The following PHKB variants were observed in gnomAD, a reference collection of about 807,000 sequenced individuals.
The protein encoded by PHKB is phosphorylase kinase regulatory subunit beta, also known as phosphorylase b kinase regulatory subunit beta.
PHKB carries 122 observed loss-of-function variants against 152.1 expected under a neutral mutation model. The observed-to-expected ratio is 0.80, with a 90% confidence interval of 0.69 to 0.93. The LOEUF (loss-of-function observed/expected upper bound fraction) is 0.93, where lower values mean the gene tolerates loss of function less well. Among genes scored for constraint, PHKB ranks in the 40% least tolerant of loss-of-function variants. The pLI, the probability that PHKB is intolerant of heterozygous loss-of-function variation, is 0.00. For missense variants in PHKB, 1,304 were observed against 1,328.4 expected, an observed-to-expected ratio of 0.98 and a Z score of 0.29; for synonymous variants, 436 against 464.9, an observed-to-expected ratio of 0.94 and a Z score of 0.80.
chr16:47,675,244 CCT>C (rs995915639), intron 26 of PHKB, among the ~76,000 whole-genome samples: 4 of 152,148 alleles, frequency 2.6e-5, no homozygotes, highest in Non-Finnish European at 5.9e-5. Context: ...CTCTTCCACC[CCT>C]GTTACCCTGG....
At chr16:47,601,362 C>A (rs1162249210) in intron 13 of PHKB, among the ~76,000 whole-genome samples, 2 of 152,140 alleles carry the variant, frequency 1.3e-5, no homozygotes, top group Non-Finnish European at 1.5e-5. Context: ...AATATATGTT[C>A]TTATTCACTA....
intron 7 of PHKB, among the ~76,000 whole-genome samples, chr16:47,575,442 A>C (rs1366415298): frequency 6.6e-6 from 1 of 152,246 alleles, no homozygotes; most frequent in African/African-American, 2.4e-5. Flanking sequence ...CAAAGATATG[A>C]ATCAACCTAC....
At chr16:47,656,844 C>T (rs548249818) in intron 20 of PHKB, among the ~76,000 whole-genome samples, 1 of 152,272 alleles carries the variant, frequency 6.6e-6, no homozygotes, top group South Asian at 2.1e-4. Flanking sequence ...CTCTCCCAGC[C>T]CCATTACCCA....
chr16:47,654,289 A>C (rs1973292603), intron 20 of PHKB, among the ~76,000 whole-genome samples: 1 of 152,228 alleles, frequency 6.6e-6, no homozygotes, highest in Admixed American at 6.5e-5. Context: ...GATCATTAAA[A>C]AGTCAGGAAA....
chr16:47,542,358 T>C (rs1182746048), intron 6 of PHKB, among the ~76,000 whole-genome samples: 1 of 152,186 alleles, frequency 6.6e-6, no homozygotes, highest in Non-Finnish European at 1.5e-5. Context: ...CAGTGGTGTC[T>C]ATCTCTGTTT....
chr16:47,542,932 CAT>C (rs1453611135), intron 6 of PHKB, among the ~76,000 whole-genome samples: 1 of 152,208 alleles, frequency 6.6e-6, no homozygotes, highest in Non-Finnish European at 1.5e-5. Flanking sequence ...AATATACAAT[CAT>C]GTCATCTGCA....
At chr16:47,508,708 T>C (rs1267528034) in intron 4 of PHKB, among the ~76,000 whole-genome samples, 1 of 152,208 alleles carries the variant, frequency 6.6e-6, no homozygotes, top group Non-Finnish European at 1.5e-5. Flanking sequence ...CTAGAAACTT[T>C]TGCTTTAATT....
At chr16:47,493,613 A>T (rs1230834423) in intron 1 of PHKB, among the ~76,000 whole-genome samples, 1 of 152,158 alleles carries the variant, frequency 6.6e-6, no homozygotes, top group African/African-American at 2.4e-5. Context: ...TTAAGGACAA[A>T]GTCTAGGTTT....
At chr16:47,679,264 G>T (rs949053103) in intron 26 of PHKB, among the ~76,000 whole-genome samples, 7 of 152,096 alleles carry the variant, frequency 4.6e-5, no homozygotes, top group Non-Finnish European at 1.0e-4. Context: ...CTCTTTTTTG[G>T]TTCTATATGT....
At chr16:47,582,740 A>G (rs917268922) in intron 8 of PHKB, among the ~76,000 whole-genome samples, 2 of 152,210 alleles carry the variant, frequency 1.3e-5, no homozygotes, top group African/African-American at 4.8e-5. Flanking sequence ...TATTTGCTGA[A>G]TTGACTACTA....
chr16:47,507,692 G>A (rs1207235247), intron 4 of PHKB, among the ~76,000 whole-genome samples: 1 of 151,942 alleles, frequency 6.6e-6, no homozygotes, highest in African/African-American at 2.4e-5. Flanking sequence ...AAATTACAAG[G>A]GATTATTATT....
intron 1 of PHKB, among the ~76,000 whole-genome samples, chr16:47,489,602 T>C (rs1447224319): frequency 6.6e-6 from 1 of 152,168 alleles, no homozygotes; most frequent in Non-Finnish European, 1.5e-5. Context: ...ACCCTGTGAG[T>C]TGGGTAACCC....
chr16:47,679,838 G>C (rs1973813877), intron 26 of PHKB, among the ~76,000 whole-genome samples: 1 of 152,188 alleles, frequency 6.6e-6, no homozygotes, highest in Admixed American at 6.5e-5. Context: ...GGGGATCCCT[G>C]TCTTGTGCCC....
intron 20 of PHKB, among the ~76,000 whole-genome samples, chr16:47,652,902 C>T (rs993854436): frequency 1.3e-5 from 2 of 152,152 alleles, no homozygotes; most frequent in African/African-American, 4.8e-5. Flanking sequence ...CTCGGCCTCC[C>T]GAAGTGCTAG....
chr16:47,598,627 A>G (rs1972165000), intron 13 of PHKB: 7 of 1,338,918 alleles, frequency 5.2e-6, no homozygotes, highest in Non-Finnish European at 7.5e-6. Context: ...TCAGTTTCCC[A>G]TCAACACACC....
intron 7 of PHKB, among the ~76,000 whole-genome samples, chr16:47,573,190 C>T (rs1971692239): frequency 6.6e-6 from 1 of 152,140 alleles, no homozygotes; most frequent in Admixed American, 6.5e-5. Context: ...CAGGAGAGAG[C>T]CAGCTACAGT....
chr16:47,528,565 G>A (rs375340683), intron 6 of PHKB, among the ~76,000 whole-genome samples: 84 of 150,334 alleles, frequency 5.6e-4, no homozygotes, highest in African/African-American at 1.7e-3. Flanking sequence ...TTTTTTTTTC[G>A]TGTATTCTTT....
At chr16:47,657,742 A>G (rs958250379) in intron 20 of PHKB, among the ~76,000 whole-genome samples, 11 of 152,196 alleles carry the variant, frequency 7.2e-5, no homozygotes, top group African/African-American at 2.2e-4. Flanking sequence ...TAAAATGGAA[A>G]TTATTAAATA....
intron 26 of PHKB, among the ~76,000 whole-genome samples, chr16:47,674,925 C>T (rs578241285): frequency 4.5e-4 from 69 of 152,288 alleles, no homozygotes; most frequent in Non-Finnish European, 2.9e-5. Flanking sequence ...CTGGATAACA[C>T]CAATTTGAGA....
Sources: gnomAD v4.1 joint callset for allele counts (sites outside exome capture counted in the v4.1 genomes callset) on GRCh38, gnomAD v4.1.1 for gene constraint, MANE v1.5 for transcripts, NCBI Gene and HGNC (gene_info 2026-07-23, HGNC 2026-07-21) for gene names.